Variants in MALRD1 observed in about 807,000 individuals in gnomAD.
MALRD1 encodes the protein MAM and LDL-receptor class A domain-containing protein 1.
In MALRD1, 247 loss-of-function variants were observed where a neutral mutation model predicts 242.1. That is an observed-to-expected ratio of 1.02 (90% confidence interval 0.92 to 1.13). The LOEUF (loss-of-function observed/expected upper bound fraction) is 1.13. Ranked by LOEUF, MALRD1 falls within the 50% of genes most tolerant of loss-of-function variation. MALRD1 has a pLI of 0.00. For missense variants in MALRD1, 2,989 were observed against 2,533.1 expected, an observed-to-expected ratio of 1.18 and a Z score of -3.86; for synonymous variants, 995 against 866.6, an observed-to-expected ratio of 1.15 and a Z score of -2.60.
At chr10:19,720,847 A>G (rs1834713104) in intron 38 of MALRD1, among the ~76,000 whole-genome samples, 1 of 152,188 alleles carries the variant, frequency 6.6e-6, no homozygotes, top group South Asian at 2.1e-4. Flanking sequence ...ATCAGAGACC[A>G]GGTATAAAAT....
chr10:19,250,571 A>T (rs1430407506), intron 18 of MALRD1, among the ~76,000 whole-genome samples: 1 of 151,970 alleles, frequency 6.6e-6, no homozygotes, highest in Non-Finnish European at 1.5e-5. Flanking sequence ...TCAGGAAGGT[A>T]TTGTTATATA....
chr10:19,063,441 A>T (rs1286853034), intron 1 of MALRD1, among the ~76,000 whole-genome samples: 1 of 152,048 alleles, frequency 6.6e-6, no homozygotes, highest in Non-Finnish European at 1.5e-5. Context: ...GGATTATCTG[A>T]GTTTCTTCAC....
At chr10:19,342,221 A>T (rs1843917181) in intron 24 of MALRD1, among the ~76,000 whole-genome samples, 1 of 152,180 alleles carries the variant, frequency 6.6e-6, no homozygotes. Context: ...TGGGCTAGGG[A>T]GTAGTACACC....
At chr10:19,450,804 A>T (rs1244066337) in intron 29 of MALRD1, among the ~76,000 whole-genome samples, 3 of 152,088 alleles carry the variant, frequency 2.0e-5, no homozygotes, top group Non-Finnish European at 2.9e-5. Context: ...GTGAAGGCTC[A>T]TTTGCTGGTT....
intron 29 of MALRD1, among the ~76,000 whole-genome samples, chr10:19,453,715 A>G (rs1835451446): frequency 6.6e-6 from 1 of 151,904 alleles, no homozygotes; most frequent in Non-Finnish European, 1.5e-5. Context: ...AACTCTACTA[A>G]AAATAGAAAA....
At chr10:19,270,313 TCTCTTCTCTCTC>T (rs1840154360) in intron 19 of MALRD1, among the ~76,000 whole-genome samples, 1 of 133,030 alleles carries the variant, frequency 7.5e-6, no homozygotes, top group African/African-American at 3.1e-5. Flanking sequence ...ACTGTCTCTC[TCTCTTCTCTCTC>T]TCTCTCTCTC....
At chr10:19,363,142 G>C (rs371914192) in intron 26 of MALRD1, among the ~76,000 whole-genome samples, 129 of 152,124 alleles carry the variant, frequency 8.5e-4, no homozygotes, top group African/African-American at 3.1e-3. Flanking sequence ...GGCCTGAGAG[G>C]CAGACATTAA....
At chr10:19,197,668 A>G (rs925206449) in intron 14 of MALRD1, among the ~76,000 whole-genome samples, 5 of 152,112 alleles carry the variant, frequency 3.3e-5, no homozygotes, top group Non-Finnish European at 7.4e-5. Context: ...CCCAGTTGCC[A>G]ACTTTTCTAT....
At chr10:19,150,666 C>T (rs1005407208) in intron 11 of MALRD1, among the ~76,000 whole-genome samples, 1 of 152,218 alleles carries the variant, frequency 6.6e-6, no homozygotes, top group Non-Finnish European at 1.5e-5. Context: ...TGTGATCTAT[C>T]ACTATCTTAC....
At chr10:19,707,090 C>T (rs1833898103) in intron 38 of MALRD1, among the ~76,000 whole-genome samples, 1 of 150,962 alleles carries the variant, frequency 6.6e-6, no homozygotes, top group South Asian at 2.1e-4. Context: ...TTCTCCTCCT[C>T]CTCTTCCTCC....
chr10:19,528,926 C>A (rs982767201), intron 31 of MALRD1, among the ~76,000 whole-genome samples: 1 of 152,158 alleles, frequency 6.6e-6, no homozygotes, highest in Non-Finnish European at 1.5e-5. Context: ...AGCCCATGAA[C>A]GGGAACTCTT....
chr10:19,134,744 A>G (rs1386946501), intron 9 of MALRD1, among the ~76,000 whole-genome samples: 1 of 152,190 alleles, frequency 6.6e-6, no homozygotes, highest in Non-Finnish European at 1.5e-5. Context: ...TTCTTTTTTT[A>G]TAAACTGAAG....
At chr10:19,382,725 C>T (rs571166055) in intron 26 of MALRD1, among the ~76,000 whole-genome samples, 3 of 152,094 alleles carry the variant, frequency 2.0e-5, no homozygotes, top group Admixed American at 2.0e-4. Context: ...TATATGGAAC[C>T]CTCAACCTCC....
chr10:19,409,753 A>G (rs1033650962), intron 28 of MALRD1, among the ~76,000 whole-genome samples: 4 of 152,172 alleles, frequency 2.6e-5, no homozygotes, highest in African/African-American at 9.7e-5. Context: ...ATCTCACAAT[A>G]AGAACTTTAA....
At chr10:19,385,611 T>C (rs1846041121) in intron 26 of MALRD1, among the ~76,000 whole-genome samples, 1 of 152,088 alleles carries the variant, frequency 6.6e-6, no homozygotes, top group South Asian at 2.1e-4. Context: ...TCTAAGTTTA[T>C]TTATCTGAGT....
At chr10:19,163,562 T>A (rs1469020657) in intron 12 of MALRD1, among the ~76,000 whole-genome samples, 1 of 152,116 alleles carries the variant, frequency 6.6e-6, no homozygotes, top group Non-Finnish European at 1.5e-5. Context: ...CAATGCTTAG[T>A]GCCTGGGTGA....
intron 33 of MALRD1, among the ~76,000 whole-genome samples, chr10:19,571,986 C>T (rs529866130): frequency 2.0e-5 from 3 of 151,846 alleles, no homozygotes; most frequent in East Asian, 1.9e-4. Context: ...GTTTTGTTGT[C>T]GTTTTTACCA....
At chr10:19,238,389 T>C (rs1246651004) in intron 18 of MALRD1, among the ~76,000 whole-genome samples, 1 of 64,234 alleles carries the variant, frequency 1.6e-5, no homozygotes, top group Non-Finnish European at 2.7e-5. Flanking sequence ...TAATATATTA[T>C]ATATGTTATA....
chr10:19,701,200 C>T (rs1307270818), intron 38 of MALRD1, among the ~76,000 whole-genome samples: 1 of 151,756 alleles, frequency 6.6e-6, no homozygotes, highest in South Asian at 2.1e-4. Context: ...GAGAGGAGTC[C>T]CTTAAAGGAA....
Sources: allele counts gnomAD v4.1 joint callset (sites outside exome capture counted in the v4.1 genomes callset), GRCh38; gene constraint gnomAD v4.1.1; transcripts MANE v1.5; gene names NCBI Gene and HGNC (gene_info 2026-07-23, HGNC 2026-07-21).